KCNMA1: variants seen among roughly 807,000 people sequenced by gnomAD.
KCNMA1 encodes the protein Calcium-activated potassium channel subunit alpha-1.
KCNMA1 carries 29 observed loss-of-function variants against 140.0 expected under a neutral mutation model. The ratio of observed to expected loss-of-function variants is 0.21; its 90% CI spans 0.15 to 0.28. The LOEUF (loss-of-function observed/expected upper bound fraction) is 0.28. KCNMA1 is among the 10% of genes least tolerant of loss of function. KCNMA1 has a pLI of 1.00. For synonymous variants in KCNMA1, 612 were observed against 611.9 expected (o/e 1.00, Z 0.00); for missense variants, 880 against 1,602.2 (o/e 0.55, Z 7.70).
intron 25 of KCNMA1, among the ~76,000 whole-genome samples, chr10:76,897,564 T>C (rs149370497): frequency 6.6e-6 from 1 of 152,112 alleles, no homozygotes; most frequent in Non-Finnish European, 1.5e-5. Flanking sequence ...TTTGCGTACA[T>C]AAGCATTTAT....
At chr10:77,217,145 A>C (rs1242949478) in intron 3 of KCNMA1, among the ~76,000 whole-genome samples, 1 of 151,998 alleles carries the variant, frequency 6.6e-6, no homozygotes, top group Admixed American at 6.6e-5. Context: ...TCTCTACTAA[A>C]AATACAAAAA....
chr10:77,572,944 A>T (rs1290863241), intron 1 of KCNMA1, among the ~76,000 whole-genome samples: 1 of 151,960 alleles, frequency 6.6e-6, no homozygotes. Context: ...CATTTCTTCA[A>T]TGACACACGA....
intron 1 of KCNMA1, among the ~76,000 whole-genome samples, chr10:77,588,390 T>C (rs1484166426): frequency 6.6e-6 from 1 of 152,002 alleles, no homozygotes; most frequent in Non-Finnish European, 1.5e-5. Flanking sequence ...CCCTAGAGGA[T>C]TGAGAGATCA....
intron 1 of KCNMA1, among the ~76,000 whole-genome samples, chr10:77,440,858 G>T (rs1039908617): frequency 6.6e-6 from 1 of 152,002 alleles, no homozygotes; most frequent in African/African-American, 2.4e-5. Flanking sequence ...TCATTCTGTC[G>T]CCCAGGCTGG....
intron 2 of KCNMA1, among the ~76,000 whole-genome samples, chr10:77,335,792 G>A (rs2088694582): frequency 6.6e-6 from 1 of 152,174 alleles, no homozygotes. Context: ...GCTCTAGGAG[G>A]TTAAGCAACT....
chr10:77,340,984 C>T (rs1054557412), intron 2 of KCNMA1, among the ~76,000 whole-genome samples: 2 of 152,096 alleles, frequency 1.3e-5, no homozygotes, highest in Non-Finnish European at 2.9e-5. Context: ...TTCTCAATGT[C>T]CAGAGTGCAG....
At chr10:77,484,003 C>T (rs1317326648) in intron 1 of KCNMA1, among the ~76,000 whole-genome samples, 1 of 152,130 alleles carries the variant, frequency 6.6e-6, no homozygotes, top group Non-Finnish European at 1.5e-5. Context: ...CTAGGAGGAC[C>T]AGGGTGGGAG....
Position 77,227,964 on chromosome 10 carries a change from A to ATTT in KCNMA1, c.602+23228_602+23230dup, listed in dbSNP as rs10642363. ...TGCCAAAAAGCAAGCATTTAATTTAATTTTTTTTTTTTTTTTTGAGACGGA... is the reference window on the plus strand; with the variant it reads ...TGCCAAAAAGCAAGCATTTAATTTAATTTTTTTTTTTTTTTTTTTTGAGACGGA... On this transcript the variant is annotated intron_variant, in intron 3 of 27. Coordinates refer to ENST00000286628, the MANE Select transcript of KCNMA1 (RefSeq NM_001161352.2). Among the ~76,000 whole-genome samples the ATTT allele has an allele frequency of 9.5e-3, 1,297 of 136,056 alleles. 25 individuals are homozygous for ATTT. Among genetic ancestry groups the ATTT allele is most frequent in the African/African-American group, 0.027 (955 of 35,354 alleles). The allele number at this position is 136,056 out of a possible 152,430, so 89.3% of individuals were successfully genotyped here. A position where few individuals can be genotyped will look rare whatever the true frequency, so the allele number is the denominator to read the frequency against.
chr10:77,034,705 A>G (rs1279958012), intron 15 of KCNMA1, among the ~76,000 whole-genome samples: 1 of 152,154 alleles, frequency 6.6e-6, no homozygotes, highest in Non-Finnish European at 1.5e-5. Flanking sequence ...GGAAGATCTG[A>G]TTGGAGTTCC....
At chr10:77,021,611 T>C (rs1389748518) in intron 16 of KCNMA1, among the ~76,000 whole-genome samples, 5 of 152,238 alleles carry the variant, frequency 3.3e-5, no homozygotes, top group Non-Finnish European at 7.3e-5. Flanking sequence ...GACTTTTGTC[T>C]GCACAGTGAA....
intron 23 of KCNMA1, among the ~76,000 whole-genome samples, chr10:76,934,643 T>TA (rs1565007586): frequency 6.6e-6 from 1 of 152,208 alleles, no homozygotes; most frequent in African/African-American, 2.4e-5. Flanking sequence ...ACAGGGGCAC[T>TA]AACCTCATGC....
At chr10:76,986,271 AACACACAT>A (rs1233541195) in intron 19 of KCNMA1, among the ~76,000 whole-genome samples, 17 of 152,390 alleles carry the variant, frequency 1.1e-4, no homozygotes, top group African/African-American at 4.1e-4. Context: ...ATCCTTTAAA[AACACACAT>A]ACACAATTTT....
intron 2 of KCNMA1, among the ~76,000 whole-genome samples, chr10:77,386,503 C>G (rs1188184708): frequency 1.3e-5 from 2 of 152,182 alleles, no homozygotes; most frequent in Non-Finnish European, 2.9e-5. Flanking sequence ...ATTCTCTATC[C>G]AGTCGTAGGT....
At chr10:77,405,082 G>C (rs543456686) in intron 1 of KCNMA1, among the ~76,000 whole-genome samples, 2 of 152,244 alleles carry the variant, frequency 1.3e-5, no homozygotes, top group South Asian at 4.1e-4. Flanking sequence ...GATTTCATCA[G>C]ATAACTGAGC....
chr10:77,460,807 T>C (rs751285001), intron 1 of KCNMA1, among the ~76,000 whole-genome samples: 8 of 151,962 alleles, frequency 5.3e-5, no homozygotes, highest in Non-Finnish European at 7.4e-5. Flanking sequence ...GGGTGTGGGA[T>C]AAAAAATTAC....
chr10:77,524,044 C>T (rs1234982891), intron 1 of KCNMA1, among the ~76,000 whole-genome samples: 1 of 151,640 alleles, frequency 6.6e-6, no homozygotes, highest in Non-Finnish European at 1.5e-5. Context: ...TGTATCAAAA[C>T]ATCTCATGGG....
intron 2 of KCNMA1, among the ~76,000 whole-genome samples, chr10:77,308,650 A>G (rs994074652): frequency 6.6e-6 from 1 of 152,226 alleles, no homozygotes; most frequent in African/African-American, 2.4e-5. Context: ...ACACTGAGAC[A>G]TGACCAAAAT....
chr10:76,949,855 T>C (rs2065593852), intron 21 of KCNMA1, among the ~76,000 whole-genome samples: 1 of 152,166 alleles, frequency 6.6e-6, no homozygotes, highest in African/African-American at 2.4e-5. Flanking sequence ...AATTCTAGAC[T>C]TATCAGTGAG....
intron 3 of KCNMA1, among the ~76,000 whole-genome samples, chr10:77,204,279 A>G (rs1275511767): frequency 6.6e-6 from 1 of 152,036 alleles, no homozygotes; most frequent in Non-Finnish European, 1.5e-5. Flanking sequence ...GAAGAATGGG[A>G]ATGACCTTGG....
Sources: allele counts gnomAD v4.1 joint callset (sites outside exome capture counted in the v4.1 genomes callset), GRCh38; gene constraint gnomAD v4.1.1; transcripts MANE v1.5; gene names NCBI Gene and HGNC (gene_info 2026-07-23, HGNC 2026-07-21).